The following CYB5A variants were observed in gnomAD, a reference collection of about 807,000 sequenced individuals.
CYB5A encodes the protein cytochrome b5 type A.
A neutral mutation model predicts 16.2 loss-of-function variants in CYB5A; 10 were observed. The observed-to-expected ratio is 0.62, with a 90% CI of 0.38 to 1.04. The LOEUF (loss-of-function observed/expected upper bound fraction) is 1.04, where lower values mean the gene tolerates loss of function less well. Ranked by LOEUF, CYB5A falls within the 50% of genes least tolerant of loss-of-function variation. The pLI, the probability that CYB5A is intolerant of heterozygous loss-of-function variation, is 0.01. For missense variants in CYB5A, 161 were observed against 165.9 expected (o/e 0.97, Z 0.16); for synonymous variants, 62 against 57.0 (o/e 1.09, Z -0.40).
At position 74,252,194 on chromosome 18, in the gene CYB5A, G is replaced by A. The variant is rs767120498; in HGVS notation, c.*1390C>T. The A allele has an allele frequency of 2.6e-5, 4 of 152,192 alleles. No homozygotes were observed. Among genetic ancestry groups the A allele is most frequent in the Non-Finnish European group, 4.4e-5 (3 of 68,044 alleles). The allele number at this position is 152,192 out of a possible 1,614,324, so 9.4% of individuals were successfully genotyped here. A position where few individuals can be genotyped will look rare whatever the true frequency, so the allele number is the denominator to read the frequency against. ...ACAACACAATTCCTTTCCACTGCAC[G>A]CGGTCACTTCTGAAGAACCTCGTGG... On this transcript the variant is annotated 3_prime_UTR_variant, in exon 5 of 5. Transcript: ENST00000340533.
intron 4 of CYB5A, among the ~76,000 whole-genome samples, chr18:74,255,306 T>C (rs1388040984): frequency 6.6e-6 from 1 of 152,176 alleles, no homozygotes; most frequent in Non-Finnish European, 1.5e-5. Flanking sequence ...ACACATAGAT[T>C]ACCAGCTTCA....
At chr18:74,259,179 T>C (rs1425697442) in intron 3 of CYB5A, 1 of 152,218 alleles carries the variant, frequency 6.6e-6, no homozygotes, top group Non-Finnish European at 1.5e-5. Flanking sequence ...TTTAAAAAGT[T>C]AGTGTGATTC....
chr18:74,255,927 TA>T lies in CYB5A; in HGVS notation c.289-153del, dbSNP rs374185114. The T allele has an allele frequency of 2.1e-3, 1,312 of 634,732 alleles. 10 individuals carry two copies. Among genetic ancestry groups the T allele is most frequent in the African/African-American group, 0.019 (1,072 of 55,096 alleles). The allele number at this position is 634,732 out of a possible 1,614,324, so 39.3% of individuals were successfully genotyped here. A position where few individuals can be genotyped will look rare whatever the true frequency, so the allele number is the denominator to read the frequency against. ...GGGAAAATTATAAACTTCTTTTCAC[TA>T]AAATGCCTAACTTTGTTTTCTTCCA... On this transcript the variant is annotated intron_variant, in intron 3 of 4. Transcript: ENST00000340533.
intron 1 of CYB5A, among the ~76,000 whole-genome samples, chr18:74,283,183 C>T (rs1983184389): frequency 6.6e-6 from 1 of 152,118 alleles, no homozygotes; most frequent in South Asian, 2.1e-4. Flanking sequence ...GATATGGACC[C>T]GGAAGGGGAG....
intron 1 of CYB5A, among the ~76,000 whole-genome samples, chr18:74,278,375 C>G (rs1982964312): frequency 6.6e-6 from 1 of 152,180 alleles, no homozygotes; most frequent in Admixed American, 6.5e-5. Flanking sequence ...GACTCCGTGG[C>G]AAGTAAGAGA....
At chr18:74,289,007 G>T (rs755860578) in intron 1 of CYB5A, among the ~76,000 whole-genome samples, 1 of 152,072 alleles carries the variant, frequency 6.6e-6, no homozygotes, top group Non-Finnish European at 1.5e-5. Flanking sequence ...TGCAGTTCTC[G>T]CAATGCCTGA....
chr18:74,256,760 G>C, intron 3 of CYB5A: 1 of 1,435,968 alleles, frequency 7.0e-7, no homozygotes, highest in Non-Finnish European at 9.8e-7. Flanking sequence ...AAGCACGTTA[G>C]AGAAACTCCC....
chr18:74,257,088 T>C (rs138565253), intron 3 of CYB5A: 11,127 of 493,842 alleles, frequency 0.023, 173 homozygotes, highest in Non-Finnish European at 0.031. Context: ...AACAAAAGAA[T>C]CACTGAAGGT....
At chr18:74,289,139 CTT>C (rs1983433168) in intron 1 of CYB5A, among the ~76,000 whole-genome samples, 2 of 152,172 alleles carry the variant, frequency 1.3e-5, no homozygotes, top group Admixed American at 1.3e-4. Flanking sequence ...CAGCCACCCT[CTT>C]GTTCATTTTA....
At chr18:74,262,419 GC>G in intron 2 of CYB5A, among the ~76,000 whole-genome samples, 1 of 144,676 alleles carries the variant, frequency 6.9e-6, no homozygotes, top group Non-Finnish European at 1.5e-5. Context: ...TCGCGCCACT[GC>G]ACTCCAGCCT....
chr18:74,279,119 G>A (rs1022663813), intron 1 of CYB5A, among the ~76,000 whole-genome samples: 3 of 152,326 alleles, frequency 2.0e-5, no homozygotes, highest in East Asian at 1.9e-4. Context: ...AATGCAACCC[G>A]ATGTCCTCAG....
chr18:74,260,594 T>C, intron 3 of CYB5A: 1 of 401,042 alleles, frequency 2.5e-6, no homozygotes, highest in East Asian at 6.2e-5. Context: ...TCTCTGAAAA[T>C]AAGGCTTGTG....
At chr18:74,268,932 G>A (rs1444034149) in intron 1 of CYB5A, among the ~76,000 whole-genome samples, 1 of 152,130 alleles carries the variant, frequency 6.6e-6, no homozygotes, top group African/African-American at 2.4e-5. Flanking sequence ...AATATACCTT[G>A]TTCTCGACAG....
rs562020721 is a variant in CYB5A at position 74,254,697 on chromosome 18, T to A, written c.324-1032A>T. On this transcript the variant is annotated intron_variant, in intron 4 of 4. Transcript: ENST00000340533. Reference sequence around the variant, plus strand: ...ACCATGCCCGGCTAATTTTTTTGTATTTTTAGTAGAGACAGGGTTTCACTG... The same window carrying A: ...ACCATGCCCGGCTAATTTTTTTGTAATTTTAGTAGAGACAGGGTTTCACTG... Among the ~76,000 whole-genome samples the A allele has an allele frequency of 3.7e-4, 56 of 151,864 alleles. 1 individual carries two copies. The highest frequency in any genetic ancestry group is 3.5e-3 in the Admixed American group (54 of 15,280).
intron 3 of CYB5A, chr18:74,260,703 C>T (rs1254515859): frequency 1.6e-6 from 1 of 639,608 alleles, no homozygotes; most frequent in East Asian, 3.1e-5. Flanking sequence ...TACTGACAGC[C>T]TTAAAAAAAT....
intron 1 of CYB5A, among the ~76,000 whole-genome samples, chr18:74,280,537 C>T (rs1436812275): frequency 6.7e-6 from 1 of 148,682 alleles, no homozygotes; most frequent in East Asian, 2.0e-4. Flanking sequence ...GTGATCATGC[C>T]ATTGCACTCC....
At chr18:74,258,619 A>G (rs1982080265) in intron 3 of CYB5A, 1 of 152,184 alleles carries the variant, frequency 6.6e-6, no homozygotes, top group South Asian at 2.1e-4. Context: ...AGAAATCCCT[A>G]AGGACACTCT....
intron 4 of CYB5A, 107 bp from the exon 5 acceptor site, chr18:74,253,772 C>G: frequency 1.3e-6 from 1 of 793,370 alleles, no homozygotes; most frequent in South Asian, 1.4e-5. Context: ...TTTCTTAACT[C>G]TGTAATGAAT....
chr18:74,274,767 A>T (rs1262461220), intron 1 of CYB5A, among the ~76,000 whole-genome samples: 2 of 152,222 alleles, frequency 1.3e-5, no homozygotes, highest in Admixed American at 1.3e-4. Context: ...AGCTTGATAC[A>T]GAATAATATT....
Sources: allele counts gnomAD v4.1 joint callset (sites outside exome capture counted in the v4.1 genomes callset), GRCh38; gene constraint gnomAD v4.1.1; transcripts MANE v1.5; gene names NCBI Gene and HGNC (gene_info 2026-07-23, HGNC 2026-07-21).